The following ZFR2 variants were observed in gnomAD, a reference collection of about 807,000 sequenced individuals.
ZFR2 encodes the protein zinc finger RNA-binding protein 2.
ZFR2 carries 104 observed loss-of-function variants against 105.7 expected under a neutral mutation model. The observed-to-expected ratio is 0.98, with a 90% CI of 0.84 to 1.16. The LOEUF is 1.16. Among genes scored for constraint, ZFR2 ranks in the 50% most tolerant of loss-of-function variants. The probability of loss-of-function intolerance (pLI) is 0.00; values close to 1 mark genes in which losing one functional copy is unlikely to be tolerated. For synonymous variants in ZFR2, 634 were observed against 597.7 expected (o/e 1.06, Z -0.89); for missense variants, 1,425 against 1,355.5 (o/e 1.05, Z -0.80).
At chr19:3,822,989 C>G (rs1293646505) in intron 8 of ZFR2, among the ~76,000 whole-genome samples, 1 of 152,238 alleles carries the variant, frequency 6.6e-6, no homozygotes, top group Non-Finnish European at 1.5e-5. Context: ...TCCGCAGGGT[C>G]CCCTGTTGGG....
chr19:3,856,075 C>G (rs1160284277), intron 1 of ZFR2, among the ~76,000 whole-genome samples: 2 of 152,180 alleles, frequency 1.3e-5, no homozygotes, highest in Non-Finnish European at 2.9e-5. Context: ...ACAGACGAGG[C>G]AGGCTGGTGC....
Position 3,819,078 on chromosome 19 carries a change from C to A in ZFR2, c.1898G>T (p.Arg633Leu). ...LVSDTLAEED[R>L]GRREEEGDKR... is the part of the protein sequence containing the mutation. ...GTCACCCTCTTCCTCTCGGCGGCCC[C>A]GGTCCTCCTCGGCCAGTGTGTCGGA... Residue 633 changes from arginine (R) to leucine (L), a missense_variant, in exon 12 of 19, where the codon CGG (arginine) becomes CTG (leucine). Arg to Leu is a moderately radical substitution (Grantham distance 102, BLOSUM62 -2). Coordinates refer to ENST00000262961, the MANE Select transcript of ZFR2 (RefSeq NM_015174.2). 6.2e-7 allele frequency: 1 copy of A among 1,612,272 alleles called. No homozygotes were observed. The highest frequency in any genetic ancestry group is 8.5e-7 in the Non-Finnish European group (1 of 1,179,772).
At position 3,813,900 on chromosome 19, in the gene ZFR2, G is replaced by A; in HGVS notation, c.2162C>T (p.Ser721Phe). ...SSDPEANIVI[S>F]SCEEPRMQVT... Reference sequence around the variant, plus strand: ...CTGCATCCTGGGCTCCTCACAGGAGGAGATGACAATGTTGGCTTCAGGGTC... The same window carrying A: ...CTGCATCCTGGGCTCCTCACAGGAGAAGATGACAATGTTGGCTTCAGGGTC... Residue 721 changes from serine (S) to phenylalanine (F), a missense_variant, in exon 14 of 19, where the codon TCC becomes TTC. Ser to Phe is a radical substitution (Grantham distance 155). Coordinates refer to ENST00000262961, the MANE Select transcript of ZFR2 (RefSeq NM_015174.2). The surrounding 1 kb of genome is among the most constrained non-coding windows in gnomAD (Gnocchi z 4.4). 1 of 1,613,962 alleles carries A rather than the reference G, an allele frequency of 6.2e-7. No individual in the cohort carries two copies. Among genetic ancestry groups the A allele is most frequent in the South Asian group, 1.1e-5 (1 of 91,080 alleles).
At position 3,827,614 on chromosome 19, in the gene ZFR2, T is replaced by C. The variant is rs777829647; in HGVS notation, c.892A>G (p.Lys298Glu). The change falls in exon 6 of 19, where the codon AAG becomes GAG. Residue 298 changes from lysine (K) to glutamate (E), a missense_variant. Lys to Glu is a moderately conservative substitution (Grantham distance 56). Transcript: ENST00000262961. ...EHLGGQKHRK[K>E]EAAQKTGVQP... ...ACGCCTGTCTTCTGGGCCGCCTCCT[T>C]CTTTCTGTGCTTCTGCCCTCCCAGA... 16 of 1,583,578 alleles carry C rather than the reference T, an allele frequency of 1.0e-5. No individual in the cohort carries two copies. Among genetic ancestry groups the C allele is most frequent in the Middle Eastern group, 3.3e-4 (2 of 6,042 alleles).
intron 1 of ZFR2, among the ~76,000 whole-genome samples, chr19:3,864,994 C>A (rs11882561): frequency 0.46 from 69,736 of 151,656 alleles, 16,937 homozygotes; most frequent in East Asian, 0.54. Flanking sequence ...GGTGATCTAC[C>A]CGCCTCGGCC....
chr19:3,819,169 T>A lies in ZFR2; in HGVS notation c.1807A>T (p.Thr603Ser), dbSNP rs371896303. The A allele has an allele frequency of 1.8e-5, 28 of 1,598,878 alleles. No individual in the cohort carries two copies. The highest frequency in any genetic ancestry group is 2.3e-5 in the Non-Finnish European group (27 of 1,176,578). ...VMCKHATIYP[T>S]EQELLAVQRA... Reference sequence around the variant, plus strand: ...TGCACGGCCAGGAGCTCCTGCTCCGTGGGGTAGATGGTGGCGTGCTTGCAC... The same window carrying A: ...TGCACGGCCAGGAGCTCCTGCTCCGAGGGGTAGATGGTGGCGTGCTTGCAC... Residue 603 changes from threonine (T) to serine (S), a missense_variant, in exon 12 of 19, where the codon ACG (threonine) becomes TCG (serine). Physicochemically the swap from Thr to Ser is moderately conservative, Grantham distance 58. Coordinates refer to ENST00000262961, the MANE Select transcript of ZFR2 (RefSeq NM_015174.2).
chr19:3,848,200 T>G (rs1335172589), intron 1 of ZFR2, among the ~76,000 whole-genome samples: 1 of 151,930 alleles, frequency 6.6e-6, no homozygotes, highest in Non-Finnish European at 1.5e-5. Context: ...TCACCTGATG[T>G]CAGGAGTTCG....
intron 1 of ZFR2, among the ~76,000 whole-genome samples, chr19:3,851,317 A>C (rs77327634): frequency 6.6e-6 from 1 of 152,270 alleles, no homozygotes; most frequent in East Asian, 1.9e-4. Flanking sequence ...ACAAACACCT[A>C]AAACAGGGCC....
At chr19:3,850,124 C>T (rs1440962365) in intron 1 of ZFR2, among the ~76,000 whole-genome samples, 2 of 152,102 alleles carry the variant, frequency 1.3e-5, no homozygotes, top group East Asian at 3.9e-4. Context: ...GACGCGGGGG[C>T]AGAGGCAGCG....
chr19:3,869,004 T>C lies in ZFR2; in HGVS notation c.14A>G (p.Gln5Arg). The C allele has an allele frequency of 7.3e-7, 1 of 1,375,222 alleles. No individual in the cohort carries two copies. Among genetic ancestry groups the C allele is most frequent in the Non-Finnish European group, 9.5e-7 (1 of 1,054,078 alleles). 85.2% of individuals were successfully genotyped at this position (1,375,222 alleles called of 1,614,324 possible). ...GCCGCCCTGCGCGAAGTCGAAATAC[T>C]GACTCGTCGCCATCTTGGCGTCTTC... is the stretch of plus-strand genomic sequence containing the variant. MATS[Q>R]YFDFAQGGGP... Residue 5 changes from glutamine (Q) to arginine (R), a missense_variant, in exon 1 of 19, where the codon CAG (glutamine) becomes CGG (arginine). Transcript: ENST00000262961.
At chr19:3,837,468 G>T (rs1191597921) in intron 1 of ZFR2, among the ~76,000 whole-genome samples, 2 of 147,918 alleles carry the variant, frequency 1.4e-5, no homozygotes, top group African/African-American at 5.1e-5. Context: ...ATGACTATGG[G>T]ACACTCAAAC....
rs183022616 is a variant in ZFR2, at chr19:3,810,487, G to A, written c.2433+263C>T. On this transcript the variant is annotated intron_variant, in intron 16 of 18. Transcript: ENST00000262961. ...CCCTCTGCCCCGGTGCCACGAAGTC[G>A]GGCAGACACCTCACATTTCCCTGGC... Among the ~76,000 whole-genome samples the A allele has an allele frequency of 2.1e-3, 326 of 152,314 alleles. 2 individuals carry two copies. The highest frequency in any genetic ancestry group is 3.2e-3 in the Non-Finnish European group (216 of 68,022).
At chr19:3,846,595 C>T (rs911303284) in intron 1 of ZFR2, among the ~76,000 whole-genome samples, 8 of 152,160 alleles carry the variant, frequency 5.3e-5, no homozygotes, top group South Asian at 2.1e-4. Flanking sequence ...AAGCAGAACA[C>T]GCATCTTTAA....
At chr19:3,808,728 G>A in intron 17 of ZFR2, 144 bp downstream of exon 17, 3 of 637,948 alleles carry the variant, frequency 4.7e-6, no homozygotes, top group Non-Finnish European at 7.7e-6. Context: ...CCTGCTGGGA[G>A]CATGTGTGTG....
rs113108784 is a variant in ZFR2 at position 3,834,332 on chromosome 19, A to AC, written c.264+440dup. 0.15 allele frequency among the ~76,000 whole-genome samples: 22,900 copies of AC among 151,980 alleles called. 2,075 individuals are homozygous for AC. The highest frequency in any genetic ancestry group is 0.26 in the Admixed American group (3,930 of 15,268). ...GGTGAGGTCGTCAGCACCCAGGTGC[A>AC]CCCCACACACCACAGACTCCCTCTT... On this transcript the variant is annotated intron_variant, in intron 2 of 18. Coordinates refer to ENST00000262961, the MANE Select transcript of ZFR2 (RefSeq NM_015174.2). The surrounding 1 kb of genome is among the most constrained non-coding windows in gnomAD (Gnocchi z 5.3).
At chr19:3,806,219 A>C (rs1363049426) in intron 18 of ZFR2, 94 bp from the exon 19 acceptor site, 2 of 1,331,514 alleles carry the variant, frequency 1.5e-6, no homozygotes, top group Non-Finnish European at 2.0e-6. Context: ...CCACCAGCAG[A>C]TGGGCCAGGC....
At chr19:3,860,223 T>TGG (rs560705937) in intron 1 of ZFR2, among the ~76,000 whole-genome samples, 9 of 141,184 alleles carry the variant, frequency 6.4e-5, no homozygotes, top group East Asian at 6.3e-4. Flanking sequence ...TTTTCAGAGA[T>TGG]GGGGGGGGTC....
chr19:3,806,230 C>T, intron 18 of ZFR2, 105 bp from the exon 19 acceptor site: 1 of 1,270,210 alleles, frequency 7.9e-7, no homozygotes, highest in South Asian at 1.9e-5. Flanking sequence ...TGGGCCAGGC[C>T]TATCCTGTAT....
chr19:3,813,247 G>T lies in ZFR2; in HGVS notation c.2242+573C>A, dbSNP rs993154030. On this transcript the variant is annotated intron_variant, in intron 14 of 18. Transcript: ENST00000262961. This position sits in a 1 kb window ranked among gnomAD's most constrained non-coding sequence, Gnocchi z 4.4. The stretch of plus-strand genomic sequence containing the variant: ...AGATTCCACAGCTGGCTGAGACTTC[G>T]GGAGCACAGACGTGCAGTGTGTTAC... Among the ~76,000 whole-genome samples the T allele has an allele frequency of 6.6e-6, 1 of 152,190 alleles. No individual in the cohort carries two copies. Among genetic ancestry groups the T allele is most frequent in the African/African-American group, 2.4e-5 (1 of 41,444 alleles).
Sources: gnomAD v4.1 joint callset for allele counts (sites outside exome capture counted in the v4.1 genomes callset) on GRCh38, gnomAD v4.1.1 for gene constraint, Gnocchi (gnomAD v3.1) non-coding constraint, MANE v1.5 for transcripts, NCBI Gene and HGNC (gene_info 2026-07-23, HGNC 2026-07-21) for gene names.